MUC4: variants seen among roughly 807,000 people sequenced by gnomAD.
MUC4 encodes mucin 4, cell surface associated, also known as mucin-4.
MUC4 carries 202 observed loss-of-function variants against 257.9 expected under a neutral mutation model. The ratio of observed to expected loss-of-function variants is 0.78; its 90% CI spans 0.70 to 0.88. The LOEUF is 0.88. Ranked by LOEUF, MUC4 falls within the 40% of genes least tolerant of loss-of-function variation. The probability of loss-of-function intolerance (pLI) is 0.00; values close to 1 mark genes in which losing one functional copy is unlikely to be tolerated. For missense variants in MUC4, 5,976 were observed against 6,513.7 expected (o/e 0.92, Z 2.84); for synonymous variants, 2,351 against 2,757.1 (o/e 0.85, Z 4.62).
At position 195,780,248 on chromosome 3, in the gene MUC4, G is replaced by T; in HGVS notation, c.11332C>A (p.Pro3778Thr). The change falls in exon 2 of 25, where the codon CCT becomes ACT. Residue 3778 changes from proline (P) to threonine (T), a missense_variant. Coordinates refer to ENST00000463781, the MANE Select transcript of MUC4 (RefSeq NM_018406.7). ...GATGCTGAGGAAGCGTCGGTGACAG[G>T]AAGAGGCGTGGCGTGACCTGTGGAC... ...SVSTGHATPL[P>T]VTDASSASTG... 1 of 1,524,630 alleles carries T rather than the reference G, an allele frequency of 6.6e-7. No homozygotes were observed. Among genetic ancestry groups the T allele is most frequent in the Non-Finnish European group, 8.9e-7 (1 of 1,128,146 alleles). 94.4% of individuals were successfully genotyped at this position (1,524,630 alleles called of 1,614,324 possible).
At chr3:195,778,640 C>T in intron 2 of MUC4, 150 bp downstream of exon 2, 27 of 1,228,094 alleles carry the variant, frequency 2.2e-5, no homozygotes, top group South Asian at 1.4e-4. Context: ...GTGAGCCTGT[C>T]ACCCACCACA....
chr3:195,786,424 G>C lies in MUC4; in HGVS notation c.5156C>G (p.Ser1719Cys), dbSNP rs1387740895. 1.3e-6 allele frequency: 2 copies of C among 1,530,082 alleles called. No homozygotes were observed. The highest frequency in any genetic ancestry group is 1.8e-6 in the Non-Finnish European group (2 of 1,134,144). The allele number at this position is 1,530,082 out of a possible 1,614,324, so 94.8% of individuals were successfully genotyped here. Residue 1719 changes from serine to cysteine, a missense_variant, in exon 2 of 25, where the codon TCC becomes TGC. Transcript: ENST00000463781. ...QATPLPVTSL[S>C]SVSTGDTTPL... ...CGTGGTGTCACCTGTGGATACTGAG[G>C]AAAGGCTGGTGACAGGAAGAGGGGT...
At position 195,769,077 on chromosome 3, in the gene MUC4, T is replaced by C. The variant is rs1560268973; in HGVS notation, c.13474A>G (p.Met4492Val). 1.2e-6 allele frequency: 2 copies of C among 1,613,966 alleles called. No homozygotes were observed. Among genetic ancestry groups the C allele is most frequent in the African/African-American group, 2.7e-5 (2 of 74,920 alleles). The change falls in exon 7 of 25, where the codon ATG becomes GTG. Residue 4492 changes from methionine (M) to valine (V), a missense_variant. Transcript: ENST00000463781. ...YALFLYQSGG[M>V]QWDVAQRSGN... ...GAGCGCTGGGCCACGTCCCACTGCA[T>C]CCCACCGCTCTGGTAGAGAAACAGG... is the stretch of plus-strand genomic sequence containing the variant.
chr3:195,777,913 A>AGT, intron 3 of MUC4, among the ~76,000 whole-genome samples: 1 of 74,868 alleles, frequency 1.3e-5, no homozygotes, highest in Non-Finnish European at 2.3e-5. Context: ...TACCTTCCAC[A>AGT]CCCATACCTT....
At position 195,765,079 on chromosome 3, in the gene MUC4, A is replaced by G; in HGVS notation, c.13842T>C (p.Ser4614=). ...LGSRQLCSFT[S]WRGGVCCSYG... is the part of the protein sequence containing the mutation. ...AGCTGCAGCACACGCCTCCTCGCCA[A>G]GAGGTGAAGCTGCACAGCTGCCTAC... is the stretch of plus-strand genomic sequence containing the variant. Residue 4614 remains serine, a synonymous_variant, in exon 10 of 25, where the codon TCT becomes TCC. Transcript: ENST00000463781. 1.9e-6 allele frequency: 3 copies of G among 1,613,812 alleles called. No individual in the cohort carries two copies. The highest frequency in any genetic ancestry group is 2.5e-6 in the Non-Finnish European group (3 of 1,179,888).
intron 4 of MUC4, among the ~76,000 whole-genome samples, chr3:195,772,844 A>AGACACCCTCCCTTCATCGCTCAGGGGTG (rs1723347613): frequency 2.5e-5 from 1 of 39,994 alleles, no homozygotes; most frequent in Admixed American, 2.6e-4. Flanking sequence ...GCTCAGGGGT[A>AGACACCCTCCCTTCATCGCTCAGGGGTG]TAGACACCCT....
chr3:195,792,017 C>T (rs1231830239), intron 1 of MUC4, among the ~76,000 whole-genome samples: 1 of 152,128 alleles, frequency 6.6e-6, no homozygotes, highest in African/African-American at 2.4e-5. Context: ...CATGTAAAAC[C>T]CCAAACCATG....
At position 195,780,352 on chromosome 3, in the gene MUC4, G is replaced by GTGGCC. The variant is rs1560309025; in HGVS notation, c.11227_11228insGGCCA (p.Thr3743ArgfsTer518). On this transcript the variant is annotated frameshift_variant, in exon 2 of 25. Transcript: ENST00000463781. LOFTEE classifies it high-confidence loss of function. Reference sequence around the variant, plus strand: ...GGAAGTGCTGGTGACAGGAAGAGGGGTGACGTGACCTGTGGATGCTGAGGA... The same window carrying GTGGCC: ...GGAAGTGCTGGTGACAGGAAGAGGGGTGGCCTGACGTGACCTGTGGATGCTGAGGA... 7.1e-7 allele frequency: 1 copy of GTGGCC among 1,414,538 alleles called. No individual in the cohort carries two copies. Among genetic ancestry groups the GTGGCC allele is most frequent in the African/African-American group, 1.7e-5 (1 of 58,140 alleles). 87.6% of individuals were successfully genotyped at this position (1,414,538 alleles called of 1,614,324 possible). A position where few individuals can be genotyped will look rare whatever the true frequency, so the allele number is the denominator to read the frequency against.
intron 11 of MUC4, 24 bp downstream of exon 11, chr3:195,764,021 C>G: frequency 6.2e-7 from 1 of 1,601,706 alleles, no homozygotes; most frequent in Non-Finnish European, 8.5e-7. Flanking sequence ...GAGGCTCTTC[C>G]TGGGCCTGGG....
rs747772497 is a variant in MUC4, at chr3:195,747,218, G to A, written c.16197C>T (p.Ala5399=). Residue 5399 remains alanine, a synonymous_variant, in exon 25 of 25, where the codon GCC becomes GCT. Coordinates refer to ENST00000463781, the MANE Select transcript of MUC4 (RefSeq NM_018406.7). ...VVLRFWGCSG[A]RFSYFLNSAE... The stretch of plus-strand genomic sequence containing the variant: ...CTGAGTTCAGGAAATAGGAGAACCT[G>A]GCCCCGGAGCAACCCCAGAAGCGCA... 2 of 1,614,258 alleles carry A rather than the reference G, an allele frequency of 1.2e-6. No individual in the cohort carries two copies. The highest frequency in any genetic ancestry group is 8.5e-7 in the Non-Finnish European group (1 of 1,180,044).
intron 17 of MUC4, among the ~76,000 whole-genome samples, chr3:195,758,086 G>A (rs1024233996): frequency 6.6e-6 from 1 of 152,176 alleles, no homozygotes; most frequent in Non-Finnish European, 1.5e-5. Flanking sequence ...CGCAAAATAT[G>A]CCCCCCGGGG....
intron 3 of MUC4, among the ~76,000 whole-genome samples, chr3:195,775,314 C>G (rs1724142228): frequency 9.9e-6 from 1 of 100,658 alleles, no homozygotes; most frequent in Non-Finnish European, 2.0e-5. Flanking sequence ...TCAGCCACCC[C>G]AAATGCTTCG....
At position 195,762,254 on chromosome 3, in the gene MUC4, C is replaced by T. The variant is rs1392052882; in HGVS notation, c.14345G>A (p.Gly4782Asp). 3 of 1,573,338 alleles carry T rather than the reference C, an allele frequency of 1.9e-6. No individual in the cohort carries two copies. Among genetic ancestry groups the T allele is most frequent in the African/African-American group, 2.7e-5 (2 of 73,836 alleles). Reference sequence around the variant, plus strand: ...TCCGGTGGCGTTGAACGTCTCCTGGCCTGGAGCATCGGGAGGCAGCGGAGA... The same window carrying T: ...TCCGGTGGCGTTGAACGTCTCCTGGTCTGGAGCATCGGGAGGCAGCGGAGA... ...TFQPDHEDGGGQETFNATGVL... is the reference protein window; with the variant it reads ...TFQPDHEDGGDQETFNATGVL... The change falls in exon 14 of 25, where the codon GGC becomes GAC. Residue 4782 changes from glycine (G) to aspartate (D), a missense_variant and splice_region_variant. Gly to Asp is a moderately conservative substitution (Grantham distance 94). Coordinates refer to ENST00000463781, the MANE Select transcript of MUC4 (RefSeq NM_018406.7).
Position 195,754,320 on chromosome 3 carries a change from G to A in MUC4, c.15221C>T (p.Ser5074Phe), listed in dbSNP as rs945255202. ...GGTFGRYCEG[S>F]EDACEEPCFP... ...GCACGGCTCCTCACAGGCATCCTCG[G>A]AGCCCTCGCAGTAGCGGCCGAAGGT... Residue 5074 changes from serine (S) to phenylalanine (F), a missense_variant, in exon 19 of 25, where the codon TCC becomes TTC. Around this residue, in one of 44 missense-constraint regions of MUC4, gnomAD observed 996 missense variants for 1,137.3 expected, o/e 0.88. Coordinates refer to ENST00000463781, the MANE Select transcript of MUC4 (RefSeq NM_018406.7). The A allele has an allele frequency of 1.3e-5, 21 of 1,612,986 alleles. No individual in the cohort carries two copies. Among genetic ancestry groups the A allele is most frequent in the Non-Finnish European group, 1.6e-5 (19 of 1,179,896 alleles).
chr3:195,781,452 A>G lies in MUC4; in HGVS notation c.10128T>C (p.Arg3376=), dbSNP rs1453080016. 2 of 1,536,828 alleles carry G rather than the reference A, an allele frequency of 1.3e-6. No individual in the cohort carries two copies. Among genetic ancestry groups the G allele is most frequent in the African/African-American group, 3.0e-5 (2 of 67,636 alleles). ...CCGAGGAAATGTCGGTGACAGGAAG[A>G]CGGGTGGTGTCACCTGTGGAAGCTG... is the stretch of plus-strand genomic sequence containing the variant. ...LSSASTGDTT[R]LPVTDISSAS... The change falls in exon 2 of 25, where the codon CGT becomes CGC. Residue 3376 remains arginine (R), a synonymous_variant. Coordinates refer to ENST00000463781, the MANE Select transcript of MUC4 (RefSeq NM_018406.7).
chr3:195,808,186 C>G (rs565496529), intron 1 of MUC4, among the ~76,000 whole-genome samples: 27 of 152,262 alleles, frequency 1.8e-4, no homozygotes, highest in African/African-American at 6.3e-4. Flanking sequence ...CTCCTTCCCC[C>G]GTCTTCCCAG....
Position 195,810,681 on chromosome 3 carries a change from C to T in MUC4, c.82+1055G>A, listed in dbSNP as rs115147190. On this transcript the variant is annotated intron_variant, in intron 1 of 24. Coordinates refer to ENST00000463781, the MANE Select transcript of MUC4 (RefSeq NM_018406.7). This position sits in a 1 kb window ranked among gnomAD's most constrained non-coding sequence, Gnocchi z 4.2. Reference sequence around the variant, plus strand: ...CTCTGCGCCCTGGCCGCCTCCTCCGCACCACCCTCCCGGCCGGCCTGCCCC... The same window carrying T: ...CTCTGCGCCCTGGCCGCCTCCTCCGTACCACCCTCCCGGCCGGCCTGCCCC... Among the ~76,000 whole-genome samples, 2,670 of 152,258 alleles carry T rather than the reference C, an allele frequency of 0.018. 109 individuals are homozygous for T. The highest frequency in any genetic ancestry group is 0.061 in the African/African-American group (2,540 of 41,528).
In MUC4 at chr3:195,789,864, C is replaced by T. The variant is rs747977545; in HGVS notation, c.1716G>A (p.Gly572=). 1.2e-6 allele frequency: 2 copies of T among 1,613,890 alleles called. No individual in the cohort carries two copies. Among genetic ancestry groups the T allele is most frequent in the Admixed American group, 3.3e-5 (2 of 60,014 alleles). The change falls in exon 2 of 25, where the codon GGG becomes GGA. Residue 572 remains glycine, a synonymous_variant. Coordinates refer to ENST00000463781, the MANE Select transcript of MUC4 (RefSeq NM_018406.7). The part of the protein sequence containing the change: ...GAQTQWTQET[G]TTGEALLSSP... ...TGCTGAGAAGAGCCTCTCCAGTGGT[C>T]CCCGTTTCTTGTGTCCATTGTGTCT... is the stretch of plus-strand genomic sequence containing the variant.
At chr3:195,778,175 T>C in intron 3 of MUC4, 128 bp downstream of exon 3, 1 of 1,256,648 alleles carries the variant, frequency 8.0e-7, no homozygotes, top group Non-Finnish European at 1.1e-6. Flanking sequence ...GCGACTCCGA[T>C]GCTGTGTCCC....
Sources: gnomAD v4.1 joint callset for allele counts (sites outside exome capture counted in the v4.1 genomes callset) on GRCh38, gnomAD v4.1.1 for gene constraint, gnomAD v4.1.1 regional missense constraint, Gnocchi (gnomAD v3.1) non-coding constraint, MANE v1.5 for transcripts, NCBI Gene and HGNC (gene_info 2026-07-23, HGNC 2026-07-21) for gene names.